Variants in CSMD1 observed in about 807,000 individuals in gnomAD.
CSMD1 encodes the protein CUB and Sushi multiple domains 1, also known as CUB and sushi domain-containing protein 1.
Under a neutral mutation model 417.5 loss-of-function variants are expected in CSMD1, and 213 were observed. The observed-to-expected ratio is 0.51, with a 90% CI of 0.46 to 0.57. The LOEUF (loss-of-function observed/expected upper bound fraction) is 0.57. CSMD1 is among the 20% of genes least tolerant of loss of function. CSMD1 has a pLI of 0.00. For synonymous variants in CSMD1, 2,862 were observed against 1,736.8 expected, an observed-to-expected ratio of 1.65 and a Z score of -16.11; for missense variants, 6,923 against 4,529.7, an observed-to-expected ratio of 1.53 and a Z score of -15.17.
intron 4 of CSMD1, among the ~76,000 whole-genome samples, chr8:4,000,661 TATTG>T (rs1349604255): frequency 2.0e-5 from 3 of 152,192 alleles, no homozygotes. Flanking sequence ...TTACTTTTAT[TATTG>T]ATTAAATAAC....
At chr8:3,261,847 G>C (rs1164285779) in intron 26 of CSMD1, among the ~76,000 whole-genome samples, 1 of 152,074 alleles carries the variant, frequency 6.6e-6, no homozygotes, top group Non-Finnish European at 1.5e-5. Flanking sequence ...GATTACGAAG[G>C]CATGCGGGCC....
At chr8:4,857,322 C>G (rs1338909874) in intron 1 of CSMD1, among the ~76,000 whole-genome samples, 1 of 149,358 alleles carries the variant, frequency 6.7e-6, no homozygotes, top group Non-Finnish European at 1.5e-5. Flanking sequence ...CAGGAAAGAT[C>G]CAAAATTGAC....
intron 3 of CSMD1, among the ~76,000 whole-genome samples, chr8:4,140,225 A>G (rs1803702224): frequency 7.4e-6 from 1 of 134,828 alleles, no homozygotes; most frequent in Non-Finnish European, 1.7e-5. Context: ...TCATCTGGAT[A>G]TGAAGGCTCA....
intron 3 of CSMD1, among the ~76,000 whole-genome samples, chr8:4,379,054 A>G (rs1460878039): frequency 6.6e-6 from 1 of 152,202 alleles, no homozygotes; most frequent in Admixed American, 6.5e-5. Context: ...AGGAAAAAAA[A>G]GGAATTTTAT....
chr8:3,609,334 A>T (rs1375550893), intron 8 of CSMD1, among the ~76,000 whole-genome samples: 3 of 152,186 alleles, frequency 2.0e-5, no homozygotes, highest in Non-Finnish European at 4.4e-5. Context: ...ACTTCCATCA[A>T]TCTTACTGAT....
intron 1 of CSMD1, among the ~76,000 whole-genome samples, chr8:4,777,851 C>A (rs6992941): frequency 1.3e-5 from 2 of 152,044 alleles, no homozygotes; most frequent in Admixed American, 1.3e-4. Context: ...CTAACGGCAA[C>A]TATGCACTTG....
At chr8:4,814,756 T>G (rs78647700) in intron 1 of CSMD1, among the ~76,000 whole-genome samples, 1 of 152,162 alleles carries the variant, frequency 6.6e-6, no homozygotes, top group Non-Finnish European at 1.5e-5. Flanking sequence ...ATTGAGATCA[T>G]TGATAAGGAA....
intron 21 of CSMD1, among the ~76,000 whole-genome samples, chr8:3,349,954 G>A (rs13250955): frequency 4.2e-5 from 6 of 142,938 alleles, no homozygotes; most frequent in Non-Finnish European, 9.0e-5. Flanking sequence ...ATATGTGTAT[G>A]TGTGTTATAA....
Position 4,264,200 on chromosome 8 carries a change from C to T in CSMD1, c.415+155753G>A, listed in dbSNP as rs77356676. On this transcript the variant is annotated intron_variant, in intron 3 of 69. Coordinates refer to ENST00000635120, the MANE Select transcript of CSMD1 (RefSeq NM_033225.6). ...TGTTATGTGGTGATGATGATGATTA[C>T]CAACGTGACTACAATTAATTATTAG... Among the ~76,000 whole-genome samples, 906 of 152,226 alleles carry T rather than the reference C, an allele frequency of 6.0e-3. 6 individuals are homozygous for T. The highest frequency in any genetic ancestry group is 0.02 in the Middle Eastern group (6 of 294).
rs147625302 is a variant in CSMD1, at chr8:3,639,191, G to A, written c.1010-22394C>T. ...CAATTCAAGAGGACAGAGTAAGTCAGAAAGTAAAGACACAGGCCTTGAGGT... is the reference window on the plus strand; with the variant it reads ...CAATTCAAGAGGACAGAGTAAGTCAAAAAGTAAAGACACAGGCCTTGAGGT... On this transcript the variant is annotated intron_variant, in intron 7 of 69. Transcript: ENST00000635120. Among the ~76,000 whole-genome samples, 43 of 152,334 alleles carry A rather than the reference G, an allele frequency of 2.8e-4. 1 individual carries two copies. Among genetic ancestry groups the A allele is most frequent in the African/African-American group, 1.0e-3 (43 of 41,580 alleles).
intron 8 of CSMD1, among the ~76,000 whole-genome samples, chr8:3,612,784 A>G (rs1801955533): frequency 1.3e-5 from 2 of 152,116 alleles, no homozygotes; most frequent in Admixed American, 1.3e-4. Context: ...AGCATTACTT[A>G]GAGGAAAATT....
In CSMD1 at chr8:4,647,022, C is replaced by T. The variant is rs538647377; in HGVS notation, c.86-9464G>A. Among the ~76,000 whole-genome samples, 4 of 152,242 alleles carry T rather than the reference C, an allele frequency of 2.6e-5. No individual in the cohort carries two copies. In the South Asian group the frequency reaches 8.3e-4, roughly 32 times the overall value. ...ACTAACAGCCAAGGTGCTGACACGG[C>T]CCTCCTCTAGGCCATCCAAAGTGAG... On this transcript the variant is annotated intron_variant, in intron 1 of 69. Coordinates refer to ENST00000635120, the MANE Select transcript of CSMD1 (RefSeq NM_033225.6).
intron 1 of CSMD1, among the ~76,000 whole-genome samples, chr8:4,766,738 G>A (rs552454717): frequency 6.6e-5 from 10 of 152,274 alleles, no homozygotes; most frequent in East Asian, 3.9e-4. Flanking sequence ...CTAATCCTAC[G>A]GTGTTTCTTC....
intron 2 of CSMD1, among the ~76,000 whole-genome samples, chr8:4,620,942 G>A (rs1190617548): frequency 1.3e-5 from 2 of 151,696 alleles, no homozygotes; most frequent in Non-Finnish European, 2.9e-5. Context: ...TTAAAATGTG[G>A]TCTTTAAAAA....
chr8:3,646,364 C>CT (rs1450882701), intron 7 of CSMD1, among the ~76,000 whole-genome samples: 2 of 152,010 alleles, frequency 1.3e-5, no homozygotes, highest in Non-Finnish European at 1.5e-5. Context: ...TATTTTCCAA[C>CT]TTTTTTCTAT....
At chr8:4,715,886 C>A (rs1808623171) in intron 1 of CSMD1, among the ~76,000 whole-genome samples, 1 of 152,212 alleles carries the variant, frequency 6.6e-6, no homozygotes, top group African/African-American at 2.4e-5. Flanking sequence ...GTCCTTGGCT[C>A]TGTCCTGGTT....
At chr8:4,682,583 G>A (rs1382742392) in intron 1 of CSMD1, among the ~76,000 whole-genome samples, 1 of 151,926 alleles carries the variant, frequency 6.6e-6, no homozygotes, top group Non-Finnish European at 1.5e-5. Flanking sequence ...ATACATAAAT[G>A]TATGATGCAG....
At chr8:4,876,142 A>G (rs990016813) in intron 1 of CSMD1, among the ~76,000 whole-genome samples, 2 of 152,102 alleles carry the variant, frequency 1.3e-5, no homozygotes, top group African/African-American at 4.8e-5. Context: ...ATTAAGGAAT[A>G]CAAATGACTG....
At chr8:4,081,250 G>A (rs1194917479) in intron 3 of CSMD1, among the ~76,000 whole-genome samples, 3 of 152,166 alleles carry the variant, frequency 2.0e-5, no homozygotes, top group African/African-American at 7.2e-5. Flanking sequence ...AAGCATTGTG[G>A]TAGCTCATTT....
Sources: gnomAD v4.1 joint callset for allele counts (sites outside exome capture counted in the v4.1 genomes callset) on GRCh38, gnomAD v4.1.1 for gene constraint, MANE v1.5 for transcripts, NCBI Gene and HGNC (gene_info 2026-07-23, HGNC 2026-07-21) for gene names.